NPRL3: variants seen among roughly 807,000 people sequenced by gnomAD.
NPRL3 encodes GATOR1 complex protein NPRL3.
NPRL3 carries 23 observed loss-of-function variants against 57.2 expected under a neutral mutation model. The ratio of observed to expected loss-of-function variants is 0.40; its 90% confidence interval spans 0.29 to 0.57. The LOEUF is 0.57. Among genes scored for constraint, NPRL3 ranks in the 20% least tolerant of loss-of-function variants. NPRL3 has a pLI of 0.42. For synonymous variants in NPRL3, 333 were observed against 321.1 expected, an observed-to-expected ratio of 1.04 and a Z score of -0.39; for missense variants, 691 against 767.1, an observed-to-expected ratio of 0.90 and a Z score of 1.17.
rs188054940 is a variant in NPRL3, at chr16:101,082, G to A, written c.630-573C>T. On this transcript the variant is annotated intron_variant, in intron 7 of 13. Transcript: ENST00000611875. ...AGACTGCCAGGGCTTGAGAGAAGCCGTACCCTGTCCTGGGGACTCAGTGCA... is the reference window on the plus strand; with the variant it reads ...AGACTGCCAGGGCTTGAGAGAAGCCATACCCTGTCCTGGGGACTCAGTGCA... Among the ~76,000 whole-genome samples, 224 of 151,854 alleles carry A rather than the reference G, an allele frequency of 1.5e-3. 3 individuals are homozygous for A. The highest frequency in any genetic ancestry group is 9.7e-4 in the East Asian group (5 of 5,174).
In NPRL3 at chr16:86,546, G is replaced by C; in HGVS notation, c.*159C>G. ...GGAACCACCAGGGGCAAGGACAGCG[G>C]GGCTCTGCAGGCTTCACTGGGCCAC... is the stretch of plus-strand genomic sequence containing the variant. On this transcript the variant is annotated 3_prime_UTR_variant, in exon 14 of 14. Coordinates refer to ENST00000611875, the MANE Select transcript of NPRL3 (RefSeq NM_001077350.3). 1.5e-6 allele frequency: 1 copy of C among 679,464 alleles called. No individual in the cohort carries two copies. Among genetic ancestry groups the C allele is most frequent in the Non-Finnish European group, 2.4e-6 (1 of 410,508 alleles). 42.1% of individuals were successfully genotyped at this position (679,464 alleles called of 1,614,324 possible).
chr16:88,357 C>T (rs376025301), intron 13 of NPRL3, among the ~76,000 whole-genome samples: 29 of 146,656 alleles, frequency 2.0e-4, no homozygotes, highest in Non-Finnish European at 3.7e-4. Context: ...GTCCGCAGTC[C>T]GGCCTGGGTG....
intron 7 of NPRL3, among the ~76,000 whole-genome samples, chr16:106,184 C>T (rs961613407): frequency 1.3e-5 from 2 of 152,070 alleles, no homozygotes; most frequent in Non-Finnish European, 2.9e-5. Context: ...TGGCAGGCGC[C>T]GTAATCCCAG....
At chr16:117,171 T>C (rs1900079618) in intron 5 of NPRL3, 130 bp downstream of exon 5, 3 of 621,256 alleles carry the variant, frequency 4.8e-6, no homozygotes, top group Non-Finnish European at 8.7e-6. Context: ...AAGTGCAGTC[T>C]GCCTGCACCC....
intron 5 of NPRL3, among the ~76,000 whole-genome samples, chr16:113,296 A>C (rs780257878): frequency 6.6e-6 from 1 of 152,184 alleles, no homozygotes; most frequent in Non-Finnish European, 1.5e-5. Flanking sequence ...CACGGTACAA[A>C]AAGAGAGGCA....
intron 9 of NPRL3, among the ~76,000 whole-genome samples, chr16:93,885 C>T (rs999342695): frequency 1.8e-4 from 27 of 152,156 alleles, no homozygotes; most frequent in Admixed American, 1.6e-3. Context: ...GTCACTGCTC[C>T]CTGTGCTGTT....
chr16:94,420 C>G (rs1289368379), intron 9 of NPRL3, among the ~76,000 whole-genome samples: 1 of 152,228 alleles, frequency 6.6e-6, no homozygotes, highest in Non-Finnish European at 1.5e-5. Flanking sequence ...ACCGTGCTGC[C>G]CTGCTGCTGA....
At chr16:132,287 G>A (rs1007610079) in intron 2 of NPRL3, among the ~76,000 whole-genome samples, 6 of 152,092 alleles carry the variant, frequency 3.9e-5, no homozygotes, top group Non-Finnish European at 7.4e-5. Flanking sequence ...GATTACAGGC[G>A]TGAGTCACCA....
intron 2 of NPRL3, among the ~76,000 whole-genome samples, chr16:131,755 G>A (rs1214660373): frequency 6.6e-6 from 1 of 151,992 alleles, no homozygotes; most frequent in Non-Finnish European, 1.5e-5. Flanking sequence ...CTTAAAATAA[G>A]ACAACAATGA....
intron 4 of NPRL3, among the ~76,000 whole-genome samples, chr16:118,829 G>A (rs1263358599): frequency 1.3e-5 from 2 of 149,344 alleles, no homozygotes; most frequent in African/African-American, 5.0e-5. Context: ...GTCTGTGCAT[G>A]CCCAGGGAGA....
At chr16:88,965 A>G in intron 12 of NPRL3, 75 bp from the exon 13 acceptor site, 1 of 1,396,252 alleles carries the variant, frequency 7.2e-7, no homozygotes, top group Non-Finnish European at 9.9e-7. Context: ...CAGAGCCAGC[A>G]GCCAGCCTCC....
At chr16:112,312 C>A (rs1046047820) in intron 6 of NPRL3, among the ~76,000 whole-genome samples, 1 of 152,190 alleles carries the variant, frequency 6.6e-6, no homozygotes, top group Non-Finnish European at 1.5e-5. Context: ...TCTTCCTGTG[C>A]CCCCCAGGCA....
intron 8 of NPRL3, among the ~76,000 whole-genome samples, chr16:99,316 G>A (rs1899164851): frequency 6.6e-6 from 1 of 152,188 alleles, no homozygotes; most frequent in African/African-American, 2.4e-5. Flanking sequence ...AACAGGTGGT[G>A]CCAGAAGACT....
intron 3 of NPRL3, among the ~76,000 whole-genome samples, chr16:125,413 A>C (rs1168112284): frequency 6.6e-6 from 1 of 152,206 alleles, no homozygotes; most frequent in African/African-American, 2.4e-5. Context: ...GAAAAGGAGT[A>C]AGCACAGAGG....
chr16:108,584 G>A (rs1394495087), intron 7 of NPRL3, among the ~76,000 whole-genome samples: 1 of 152,072 alleles, frequency 6.6e-6, no homozygotes, highest in Non-Finnish European at 1.5e-5. Context: ...AATGGTGGGG[G>A]CAGTTGCGGC....
At chr16:99,938 T>TCACACA (rs139398972) in intron 8 of NPRL3, among the ~76,000 whole-genome samples, 1 of 110,978 alleles carries the variant, frequency 9.0e-6, no homozygotes, top group African/African-American at 3.5e-5. Context: ...TGTCTCTCTC[T>TCACACA]CACACACACA....
intron 7 of NPRL3, among the ~76,000 whole-genome samples, chr16:102,595 T>G (rs1183981864): frequency 6.6e-6 from 1 of 152,162 alleles, no homozygotes; most frequent in East Asian, 1.9e-4. Flanking sequence ...AGCAGCCAAC[T>G]AGTGCTTTTC....
chr16:92,575 C>G, intron 11 of NPRL3, 21 bp downstream of exon 11: 1 of 1,611,124 alleles, frequency 6.2e-7, no homozygotes, highest in African/African-American at 1.3e-5. Context: ...ACTCTGGGCT[C>G]CTTGAGCTTC....
intron 3 of NPRL3, 92 bp downstream of exon 3, chr16:130,430 G>A: frequency 7.7e-7 from 1 of 1,303,620 alleles, no homozygotes; most frequent in Non-Finnish European, 1.1e-6. Flanking sequence ...GACTTCTCAG[G>A]GAGAAAACAT....
Sources: gnomAD v4.1 joint callset for allele counts (sites outside exome capture counted in the v4.1 genomes callset) on GRCh38, gnomAD v4.1.1 for gene constraint, MANE v1.5 for transcripts, NCBI Gene and HGNC (gene_info 2026-07-23, HGNC 2026-07-21) for gene names.